The following EML1 variants were observed in gnomAD, a reference collection of about 807,000 sequenced individuals.
The protein encoded by EML1 is echinoderm microtubule-associated protein-like 1.
EML1 carries 27 observed loss-of-function variants against 110.4 expected under a neutral mutation model. The ratio of observed to expected loss-of-function variants is 0.24; its 90% CI spans 0.18 to 0.34. EML1 has a LOEUF of 0.34. Ranked by LOEUF, EML1 falls within the 10% of genes least tolerant of loss-of-function variation. The pLI is 1.00. For synonymous variants in EML1, 344 were observed against 385.8 expected, an observed-to-expected ratio of 0.89 and a Z score of 1.27; for missense variants, 741 against 1,030.9, an observed-to-expected ratio of 0.72 and a Z score of 3.85.
At chr14:99,811,172 T>G (rs1208374006) in intron 1 of EML1, among the ~76,000 whole-genome samples, 1 of 147,758 alleles carries the variant, frequency 6.8e-6, no homozygotes, top group Non-Finnish European at 1.5e-5. Flanking sequence ...AGGGGTTTTT[T>G]TTTTGTTTTT....
intron 1 of EML1, among the ~76,000 whole-genome samples, chr14:99,742,228 G>C (rs1201556485): frequency 6.6e-6 from 1 of 152,214 alleles, no homozygotes; most frequent in African/African-American, 2.4e-5. Context: ...GGTGGTGGCA[G>C]GGCATGAGTC....
At chr14:99,801,102 G>A (rs1055863468) in intron 1 of EML1, among the ~76,000 whole-genome samples, 6 of 152,270 alleles carry the variant, frequency 3.9e-5, no homozygotes, top group African/African-American at 1.4e-4. Flanking sequence ...CTGTAAGGGA[G>A]ACCCACCGTC....
At chr14:99,881,687 G>A (rs1264895691) in intron 4 of EML1, among the ~76,000 whole-genome samples, 1 of 150,710 alleles carries the variant, frequency 6.6e-6, no homozygotes, top group Non-Finnish European at 1.5e-5. Flanking sequence ...TGCAGCCTCT[G>A]CCTCTTGGGT....
At chr14:99,903,866 C>A (rs1219644613) in intron 9 of EML1, among the ~76,000 whole-genome samples, 1 of 150,990 alleles carries the variant, frequency 6.6e-6, no homozygotes, top group East Asian at 1.9e-4. Context: ...TCACTGCAAC[C>A]TCCACCTCCC....
intron 1 of EML1, among the ~76,000 whole-genome samples, chr14:99,831,763 G>A (rs1263847524): frequency 6.6e-6 from 1 of 151,458 alleles, no homozygotes; most frequent in African/African-American, 2.4e-5. Flanking sequence ...AAGGATTTAT[G>A]ATATCTTCCA....
intron 1 of EML1, among the ~76,000 whole-genome samples, chr14:99,761,879 C>G (rs538853172): frequency 8.7e-5 from 13 of 149,556 alleles, no homozygotes; most frequent in African/African-American, 2.7e-4. Flanking sequence ...GAGCTGAGAT[C>G]ACGCCACTGC....
chr14:99,781,366 C>T lies in EML1; in HGVS notation c.-27+7353C>T, dbSNP rs1219646403. On this transcript the variant is annotated intron_variant, in intron 1 of 22. Coordinates refer to the EML1 transcript ENST00000327921. This position sits in a 1 kb window ranked among gnomAD's most constrained non-coding sequence, Gnocchi z 4.2. ...CCCATGCTGTATGGCATCCTCACTG[C>T]CAAGGCCATGCCCTCCCCCTGCACT... Among the ~76,000 whole-genome samples, 1 of 152,146 alleles carries T rather than the reference C, an allele frequency of 6.6e-6. No individual in the cohort carries two copies. The highest frequency in any genetic ancestry group is 1.5e-5 in the Non-Finnish European group (1 of 68,024).
intron 3 of EML1, among the ~76,000 whole-genome samples, chr14:99,866,691 T>A (rs2059108631): frequency 7.6e-6 from 1 of 131,604 alleles, no homozygotes; most frequent in South Asian, 2.2e-4. Context: ...CTAGACCCAT[T>A]AAATAGTAAC....
Position 99,910,368 on chromosome 14 carries a change from A to T in EML1, c.1339+27A>T, listed in dbSNP as rs201595221. The T allele has an allele frequency of 1.9e-6, 3 of 1,552,070 alleles. No homozygotes were observed. In the African/African-American group the frequency reaches 4.1e-5, roughly 21 times the overall value. ...TAATAAGTGATTGTTCCCAAAACCAATGGTTTTTGGTAATGTTGTAAGAGA... is the reference window on the plus strand; with the variant it reads ...TAATAAGTGATTGTTCCCAAAACCATTGGTTTTTGGTAATGTTGTAAGAGA... On this transcript the variant is annotated intron_variant, in intron 12 of 21. Coordinates refer to ENST00000262233, the MANE Select transcript of EML1 (RefSeq NM_004434.3).
chr14:99,896,300 C>A lies in EML1; in HGVS notation c.678-845C>A, dbSNP rs2059669919. On this transcript the variant is annotated intron_variant, in intron 6 of 21. Coordinates refer to ENST00000262233, the MANE Select transcript of EML1 (RefSeq NM_004434.3). ...TAATTACTATTTGAGATTATGGAAT[C>A]ATATTCCTTAGAAATTTTTTAAAAT... is the stretch of plus-strand genomic sequence containing the variant. 3.3e-5 allele frequency among the ~76,000 whole-genome samples: 5 copies of A among 152,046 alleles called. No homozygotes were observed. The South Asian group carries it at 1.0e-3, about 32-fold the overall frequency.
At chr14:99,924,836 T>C (rs147597515) in intron 17 of EML1, among the ~76,000 whole-genome samples, 1 of 152,304 alleles carries the variant, frequency 6.6e-6, no homozygotes, top group African/African-American at 2.4e-5. Context: ...TCTGTTGGGA[T>C]TATTATGTGG....
chr14:99,789,218 A>T (rs949084586), upstream of EML1, among the ~76,000 whole-genome samples: 6 of 151,598 alleles, frequency 4.0e-5, no homozygotes, highest in Non-Finnish European at 8.8e-5. Flanking sequence ...TCATTTATTT[A>T]TTTTTTTTGA....
At chr14:99,785,869 T>C (rs2057593392) in intron 1 of EML1, among the ~76,000 whole-genome samples, 2 of 152,172 alleles carry the variant, frequency 1.3e-5, no homozygotes, top group South Asian at 4.2e-4. Flanking sequence ...TCCAAAGCAC[T>C]GAGAAACACA....
chr14:99,740,942 G>C (rs926749586), intron 1 of EML1, among the ~76,000 whole-genome samples: 1 of 152,174 alleles, frequency 6.6e-6, no homozygotes, highest in Non-Finnish European at 1.5e-5. Flanking sequence ...GAATCTGCAG[G>C]AAGAGAATCC....
intron 1 of EML1, among the ~76,000 whole-genome samples, chr14:99,811,389 C>G (rs552886808): frequency 1.6e-4 from 24 of 147,902 alleles, no homozygotes; most frequent in African/African-American, 5.8e-4. Context: ...CTACTAACAG[C>G]TTACTATTGA....
At chr14:99,884,150 G>A (rs1595431707) in intron 4 of EML1, among the ~76,000 whole-genome samples, 2 of 152,136 alleles carry the variant, frequency 1.3e-5, no homozygotes, top group African/African-American at 4.8e-5. Flanking sequence ...GTCTGCGGTC[G>A]GCTCGCCACA....
At chr14:99,847,743 C>T (rs1480523183) in intron 1 of EML1, among the ~76,000 whole-genome samples, 1 of 151,864 alleles carries the variant, frequency 6.6e-6, no homozygotes, top group Non-Finnish European at 1.5e-5. Context: ...ACCCTTTTTT[C>T]ATTATGAAAT....
At chr14:99,917,956 C>G (rs896105320) in intron 16 of EML1, 107 bp downstream of exon 16, 19 of 1,114,040 alleles carry the variant, frequency 1.7e-5, no homozygotes, top group Non-Finnish European at 2.5e-5. Context: ...GCTACATGTT[C>G]GAAGCTTCTA....
chr14:99,758,701 C>T (rs1336146660), intron 1 of EML1, among the ~76,000 whole-genome samples: 1 of 152,158 alleles, frequency 6.6e-6, no homozygotes, highest in Non-Finnish European at 1.5e-5. Context: ...ACAGCGGGTC[C>T]TCATAAATTA....
Sources: gnomAD v4.1 joint callset for allele counts (sites outside exome capture counted in the v4.1 genomes callset) on GRCh38, gnomAD v4.1.1 for gene constraint, Gnocchi (gnomAD v3.1) non-coding constraint, MANE v1.5 for transcripts, NCBI Gene and HGNC (gene_info 2026-07-23, HGNC 2026-07-21) for gene names.